The following LAMP2 variants were observed in gnomAD, a reference collection of about 807,000 sequenced individuals.
LAMP2 encodes the protein lysosome-associated membrane glycoprotein 2.
In LAMP2, 4 loss-of-function variants were observed where a neutral mutation model predicts 25.6. The observed-to-expected ratio is 0.16, with a 90% CI of 0.08 to 0.36. The LOEUF is 0.36. LAMP2 is among the 10% of genes least tolerant of loss of function. The pLI is 1.00. For missense variants in LAMP2, 272 were observed against 301.4 expected (o/e 0.90, Z 0.72); for synonymous variants, 108 against 112.7 (o/e 0.96, Z 0.27).
intron 8 of LAMP2, among the ~76,000 whole-genome samples, chrX:120,434,498 T>C (rs1003612336): frequency 1.7e-4 from 19 of 112,380 alleles, no homozygotes; most frequent in African/African-American, 5.8e-4. Context: ...GTAACTTTAA[T>C]GGGATCACAT....
chrX:120,435,637 A>G (rs1200527070), intron 8 of LAMP2, among the ~76,000 whole-genome samples: 1 of 112,023 alleles, frequency 8.9e-6, no homozygotes, highest in African/African-American at 3.2e-5. Context: ...GCAAATTATC[A>G]CTCAAAGAAA....
Position 120,431,361 on chromosome X carries a change from C to CAATAAAAT in LAMP2, c.1187_1194dup (p.Gly399IlefsTer39), listed in dbSNP as rs752840154. 8.3e-7 allele frequency: 1 copy of CAATAAAAT among 1,209,217 alleles called. No individual in the cohort carries two copies. Among genetic ancestry groups the CAATAAAAT allele is most frequent in the Non-Finnish European group, 1.1e-6 (1 of 893,411 alleles). The stretch of plus-strand genomic sequence containing the variant: ...TATCCAGCATGATGGTGCTTGAGAC[C>CAATAAAAT]AATAAAATAAGCCAGCAACACTAGA... On this transcript the variant is annotated frameshift_variant, in exon 9 of 9. Transcript: ENST00000200639. LOFTEE classifies it high-confidence loss of function.
chrX:120,449,227 C>T (rs1251969272), intron 3 of LAMP2, 99 bp from the exon 4 acceptor site: 2 of 646,400 alleles, frequency 3.1e-6, no homozygotes, highest in Non-Finnish European at 4.8e-6. Flanking sequence ...TCTGCCTGCC[C>T]TACCCCAGGC....
intron 1 of LAMP2, among the ~76,000 whole-genome samples, chrX:120,461,088 C>T (rs774398812): frequency 2.7e-5 from 3 of 112,512 alleles, no homozygotes; most frequent in Non-Finnish European, 3.8e-5. Flanking sequence ...CACATGTATG[C>T]GTGTATGTTG....
At chrX:120,448,461 A>T (rs987740087) in intron 4 of LAMP2, among the ~76,000 whole-genome samples, 1 of 113,032 alleles carries the variant, frequency 8.8e-6, no homozygotes, top group African/African-American at 3.2e-5. Flanking sequence ...AAAGGACTTA[A>T]ATACAAATGA....
chrX:120,447,116 C>T (rs2058599859), intron 5 of LAMP2, among the ~76,000 whole-genome samples: 1 of 112,476 alleles, frequency 8.9e-6, no homozygotes, highest in African/African-American at 3.2e-5. Flanking sequence ...CCATTTAAAA[C>T]TGAATCAGGC....
chrX:120,469,082 A>T lies in LAMP2; in HGVS notation c.64+24T>A, dbSNP rs750856033. The T allele has an allele frequency of 1.3e-5, 16 of 1,205,100 alleles. 1 individual carries two copies. The South Asian group carries it at 2.6e-4, about 20-fold the overall frequency. Reference sequence around the variant, plus strand: ...TGCCCCGGGCCCAGGCGGACAGACTAATCGGGAGGGCCCGACAACTCACCC... The same window carrying T: ...TGCCCCGGGCCCAGGCGGACAGACTTATCGGGAGGGCCCGACAACTCACCC... On this transcript the variant is annotated intron_variant, in intron 1 of 8. Coordinates refer to ENST00000200639, the MANE Select transcript of LAMP2 (RefSeq NM_002294.3).
Position 120,427,241 on chromosome X carries a change from T to C in LAMP2, c.*4082A>G, listed in dbSNP as rs1389868140. Among the ~76,000 whole-genome samples, 1 of 111,570 alleles carries C rather than the reference T, an allele frequency of 9.0e-6. No homozygotes were observed. The highest frequency in any genetic ancestry group is 1.9e-5 in the Non-Finnish European group (1 of 53,086). ...TAGTTAAATGTAGAGATAAAATAGC[T>C]TGATAAAATAAACATCTGCCTTATA... On this transcript the variant is annotated 3_prime_UTR_variant, in exon 9 of 9. Transcript: ENST00000200639.
chrX:120,455,515 C>A lies in LAMP2; in HGVS notation c.239G>T (p.Gly80Val). Residue 80 changes from glycine (G) to valine (V), a missense_variant, in exon 3 of 9, where the codon GGG becomes GTG. By Grantham distance (109) the Gly-to-Val change is moderately radical. Transcript: ENST00000200639. ...TATTTTGGGACCATTCTGATCATCC[C>A]CACAAATGCTTCCATTATATGTCAC... Reference protein sequence around the residue: ...GTVTYNGSICGDDQNGPKIAV... With the variant: ...GTVTYNGSICVDDQNGPKIAV... The A allele has an allele frequency of 8.3e-7, 1 of 1,210,457 alleles. No individual in the cohort carries two copies. Among genetic ancestry groups the A allele is most frequent in the Non-Finnish European group, 1.1e-6 (1 of 894,715 alleles).
In LAMP2 at chrX:120,428,720, T is replaced by C. The variant is rs968652018; in HGVS notation, c.*2603A>G. 1 of 1,077,834 alleles carries C rather than the reference T, an allele frequency of 9.3e-7. No homozygotes were observed. The highest frequency in any genetic ancestry group is 2.0e-5 in the African/African-American group (1 of 50,721). The allele number at this position is 1,077,834 out of a possible 1,213,427, so 88.8% of individuals were successfully genotyped here. Reference sequence around the variant, plus strand: ...GCAAGAAACATGCATTTTGAAAGTGTACATAGCTTAGTTTTTTATAGCATT... The same window carrying C: ...GCAAGAAACATGCATTTTGAAAGTGCACATAGCTTAGTTTTTTATAGCATT... On this transcript the variant is annotated 3_prime_UTR_variant, in exon 9 of 9. Coordinates refer to ENST00000200639, the MANE Select transcript of LAMP2 (RefSeq NM_002294.3).
rs1415814201 is a variant in LAMP2, at chrX:120,428,866, C to T, written c.*2457G>A. On this transcript the variant is annotated 3_prime_UTR_variant, in exon 9 of 9. Coordinates refer to ENST00000200639, the MANE Select transcript of LAMP2 (RefSeq NM_002294.3). ...GGGAAGGGTCCAAAATAGAGAATTG[C>T]GCTTGCCTAATATGGGAAGACTTTA... is the stretch of plus-strand genomic sequence containing the variant. 8.0e-6 allele frequency: 6 copies of T among 748,599 alleles called. No homozygotes were observed. The highest frequency in any genetic ancestry group is 9.1e-5 in the Admixed American group (1 of 11,003). The allele number at this position is 748,599 out of a possible 1,213,427, so 61.7% of individuals were successfully genotyped here. A position where few individuals can be genotyped will look rare whatever the true frequency, so the allele number is the denominator to read the frequency against.
chrX:120,437,181 AG>A (rs2058548500), intron 8 of LAMP2: 1 of 748,599 alleles, frequency 1.3e-6, no homozygotes, highest in East Asian at 1.5e-4. Context: ...TGAGCCATAA[AG>A]GTTTTCAGGC....
intron 1 of LAMP2, among the ~76,000 whole-genome samples, chrX:120,465,548 A>C (rs1329578293): frequency 8.9e-6 from 1 of 112,281 alleles, no homozygotes; most frequent in African/African-American, 3.2e-5. Flanking sequence ...GCATAATTTA[A>C]TCTCTATGAA....
At chrX:120,440,865 G>A (rs1041244939) in intron 8 of LAMP2, among the ~76,000 whole-genome samples, 2 of 112,299 alleles carry the variant, frequency 1.8e-5, no homozygotes, top group African/African-American at 6.5e-5. Flanking sequence ...ATTTATTGTG[G>A]CCTAACCAAG....
chrX:120,452,565 T>C (rs1316074653), intron 3 of LAMP2, among the ~76,000 whole-genome samples: 1 of 92,129 alleles, frequency 1.1e-5, no homozygotes, highest in African/African-American at 4.8e-5. Flanking sequence ...CTTTTTTTTT[T>C]GAGACAGGGT....
intron 8 of LAMP2, chrX:120,437,701 A>G (rs2058551517): frequency 9.3e-6 from 7 of 748,860 alleles, no homozygotes; most frequent in Non-Finnish European, 1.1e-5. Flanking sequence ...AATAACAACG[A>G]AAGTTTTGAT....
intron 1 of LAMP2, among the ~76,000 whole-genome samples, chrX:120,464,821 G>A (rs1373910170): frequency 1.8e-5 from 2 of 111,465 alleles, no homozygotes; most frequent in Admixed American, 9.5e-5. Context: ...GCATGATCTC[G>A]GCTCACTGCA....
At chrX:120,461,912 T>C (rs1921327502) in intron 1 of LAMP2, among the ~76,000 whole-genome samples, 1 of 112,017 alleles carries the variant, frequency 8.9e-6, no homozygotes, top group Non-Finnish European at 1.9e-5. Flanking sequence ...TCAATAAATT[T>C]TGACATGGAT....
In LAMP2 at chrX:120,456,772, G is replaced by A. The variant is rs769801659; in HGVS notation, c.65-3C>T. 4 of 1,017,716 alleles carry A rather than the reference G, an allele frequency of 3.9e-6. No individual in the cohort carries two copies. The highest frequency in any genetic ancestry group is 4.1e-6 in the Non-Finnish European group (3 of 734,850). 83.9% of individuals were successfully genotyped at this position (1,017,716 alleles called of 1,213,427 possible). ...CAATGCATAAGACCGCACAGCTCCT[G>A]GATTCATTTAAAAAAATAATATTTT... On this transcript the variant is annotated splice_region_variant and splice_polypyrimidine_tract_variant and intron_variant, in intron 1 of 8. Transcript: ENST00000200639.
Sources: allele counts gnomAD v4.1 joint callset (sites outside exome capture counted in the v4.1 genomes callset), GRCh38; gene constraint gnomAD v4.1.1; transcripts MANE v1.5; gene names NCBI Gene and HGNC (gene_info 2026-07-23, HGNC 2026-07-21).